The following CACNA2D3 variants were observed in gnomAD, a reference collection of about 807,000 sequenced individuals.
CACNA2D3 encodes calcium voltage-gated channel auxiliary subunit alpha2delta 3, also known as voltage-dependent calcium channel subunit alpha-2/delta-3.
In CACNA2D3, 60 loss-of-function variants were observed where a neutral mutation model predicts 160.6. The ratio of observed to expected loss-of-function variants is 0.37; its 90% CI spans 0.30 to 0.46. The LOEUF (loss-of-function observed/expected upper bound fraction) is 0.46. Among genes scored for constraint, CACNA2D3 ranks in the 20% least tolerant of loss-of-function variants. The probability of loss-of-function intolerance (pLI) is 1.00; values close to 1 mark genes in which losing one functional copy is unlikely to be tolerated. For missense variants in CACNA2D3, 1,205 were observed against 1,365.0 expected (o/e 0.88, Z 1.85); for synonymous variants, 558 against 492.9 (o/e 1.13, Z -1.75).
intron 2 of CACNA2D3, among the ~76,000 whole-genome samples, chr3:54,179,024 G>A (rs955173905): frequency 6.6e-6 from 1 of 152,118 alleles, no homozygotes; most frequent in Non-Finnish European, 1.5e-5. Context: ...ACCCAGCACT[G>A]CCTCTGCCCA....
intron 35 of CACNA2D3, among the ~76,000 whole-genome samples, chr3:55,018,643 C>G (rs1197103868): frequency 1.3e-5 from 2 of 151,514 alleles, no homozygotes; most frequent in African/African-American, 4.8e-5. Context: ...TCAAGAATGT[C>G]CTTACGTATC....
intron 13 of CACNA2D3, among the ~76,000 whole-genome samples, chr3:54,766,391 C>T (rs1021503536): frequency 6.6e-6 from 1 of 152,034 alleles, no homozygotes; most frequent in African/African-American, 2.4e-5. Context: ...TCATAATAAG[C>T]AAAATGCAAA....
intron 3 of CACNA2D3, among the ~76,000 whole-genome samples, chr3:54,327,035 AAAG>A (rs1228978612): frequency 6.6e-6 from 1 of 152,222 alleles, no homozygotes; most frequent in East Asian, 1.9e-4. Context: ...GAATCTTAAA[AAAG>A]AGCAACAATC....
At chr3:54,767,712 T>A (rs544603028) in intron 13 of CACNA2D3, among the ~76,000 whole-genome samples, 1 of 152,144 alleles carries the variant, frequency 6.6e-6, no homozygotes, top group East Asian at 1.9e-4. Flanking sequence ...ATAATAAGCT[T>A]GGAATATTTT....
At chr3:54,836,229 TTTTTTTTTTTTTG>T (rs1320123444) in intron 14 of CACNA2D3, among the ~76,000 whole-genome samples, 11 of 147,128 alleles carry the variant, frequency 7.5e-5, no homozygotes, top group Non-Finnish European at 1.5e-4. Flanking sequence ...TTTTTTTCTT[TTTTTTTTTTTTTG>T]TTTTTGTTTT....
intron 35 of CACNA2D3, among the ~76,000 whole-genome samples, chr3:55,042,802 C>A (rs964675698): frequency 6.6e-6 from 1 of 152,098 alleles, no homozygotes; most frequent in Non-Finnish European, 1.5e-5. Flanking sequence ...TCAATCCATT[C>A]CCCCAACCAC....
chr3:54,829,885 C>CTTTTTTTTTTTTTTTTTTTTTTTT (rs58291013), intron 14 of CACNA2D3, among the ~76,000 whole-genome samples: 2 of 64,352 alleles, frequency 3.1e-5, no homozygotes, highest in Admixed American at 2.0e-4. Context: ...TCTTCTTCAT[C>CTTTTTTTTTTTTTTTTTTTTTTTT]TTTTTTTTTT....
chr3:54,829,241 G>A (rs1309067667), intron 14 of CACNA2D3, among the ~76,000 whole-genome samples: 3 of 152,270 alleles, frequency 2.0e-5, no homozygotes, highest in African/African-American at 7.2e-5. Context: ...AAAGGTGTCT[G>A]TATCTCTACT....
intron 2 of CACNA2D3, among the ~76,000 whole-genome samples, chr3:54,159,408 G>A (rs1700302343): frequency 1.3e-5 from 2 of 151,942 alleles, no homozygotes; most frequent in South Asian, 2.1e-4. Flanking sequence ...CATCATAAGA[G>A]TCCTTTTTAA....
At chr3:54,691,751 G>A (rs1196722427) in intron 11 of CACNA2D3, among the ~76,000 whole-genome samples, 1 of 152,082 alleles carries the variant, frequency 6.6e-6, no homozygotes, top group Non-Finnish European at 1.5e-5. Flanking sequence ...TTTTCCTGTA[G>A]GACAGAGTTT....
chr3:54,338,238 T>C (rs1361201420), intron 3 of CACNA2D3, among the ~76,000 whole-genome samples: 3 of 152,214 alleles, frequency 2.0e-5, no homozygotes, highest in Non-Finnish European at 4.4e-5. Context: ...CTCCTATGGC[T>C]TGGGTGATGG....
chr3:54,496,619 A>C (rs1450891522), intron 4 of CACNA2D3, among the ~76,000 whole-genome samples: 1 of 152,178 alleles, frequency 6.6e-6, no homozygotes, highest in Non-Finnish European at 1.5e-5. Context: ...TTACTGGTGA[A>C]TTTGATGACC....
At chr3:54,310,414 A>G (rs1469052419) in intron 2 of CACNA2D3, among the ~76,000 whole-genome samples, 1 of 152,222 alleles carries the variant, frequency 6.6e-6, no homozygotes, top group Non-Finnish European at 1.5e-5. Context: ...GCTGTCTGTA[A>G]GGAGAGACTG....
rs144385866 is a variant in CACNA2D3 at position 54,179,669 on chromosome 3, G to A, written c.204+56075G>A. Among the ~76,000 whole-genome samples, 231 of 152,292 alleles carry A rather than the reference G, an allele frequency of 1.5e-3. 3 individuals carry two copies. The highest frequency in any genetic ancestry group is 5.3e-3 in the African/African-American group (221 of 41,570). On this transcript the variant is annotated intron_variant, in intron 2 of 37. Coordinates refer to ENST00000474759, the MANE Select transcript of CACNA2D3 (RefSeq NM_018398.3). Reference sequence around the variant, plus strand: ...CTAATCCTCAATGTGGTGGTAGTTGGAGATGAGGCCTTTGGGAGCTAATTA... The same window carrying A: ...CTAATCCTCAATGTGGTGGTAGTTGAAGATGAGGCCTTTGGGAGCTAATTA...
chr3:54,616,685 T>C (rs993878128), intron 9 of CACNA2D3, among the ~76,000 whole-genome samples: 4 of 152,318 alleles, frequency 2.6e-5, no homozygotes, highest in African/African-American at 9.6e-5. Flanking sequence ...AGTTGATCAT[T>C]AAAATTTTCT....
chr3:54,600,896 G>C (rs1250934192), intron 9 of CACNA2D3, among the ~76,000 whole-genome samples: 1 of 151,966 alleles, frequency 6.6e-6, no homozygotes, highest in Admixed American at 6.6e-5. Flanking sequence ...ACTTGATCTC[G>C]TTGCCCAGAC....
intron 10 of CACNA2D3, chr3:54,632,157 C>T (rs756435328): frequency 2.6e-5 from 4 of 152,338 alleles, no homozygotes; most frequent in Non-Finnish European, 4.4e-5. Context: ...TAATTGCATT[C>T]TTCAAAATTC....
At chr3:54,982,259 C>A (rs536102204) in intron 29 of CACNA2D3, among the ~76,000 whole-genome samples, 2 of 152,298 alleles carry the variant, frequency 1.3e-5, no homozygotes, top group African/African-American at 2.4e-5. Context: ...GAGCCTCTAA[C>A]CCCCTAAATC....
At chr3:54,668,579 C>A (rs900211159) in intron 11 of CACNA2D3, among the ~76,000 whole-genome samples, 1 of 150,660 alleles carries the variant, frequency 6.6e-6, no homozygotes, top group African/African-American at 2.5e-5. Context: ...TGCTTTGTAT[C>A]GGGGAGTTCT....
Sources: gnomAD v4.1 joint callset for allele counts (sites outside exome capture counted in the v4.1 genomes callset) on GRCh38, gnomAD v4.1.1 for gene constraint, MANE v1.5 for transcripts, NCBI Gene and HGNC (gene_info 2026-07-23, HGNC 2026-07-21) for gene names.